MYH10: variants seen among roughly 807,000 people sequenced by gnomAD.
MYH10 encodes myosin heavy chain 10, also known as myosin-10.
Under a neutral mutation model 257.8 loss-of-function variants are expected in MYH10, and 55 were observed. The observed-to-expected ratio is 0.21, with a 90% CI of 0.17 to 0.27. The LOEUF is 0.27. Among genes scored for constraint, MYH10 ranks in the 10% least tolerant of loss-of-function variants. The pLI is 1.00. For synonymous variants in MYH10, 854 were observed against 921.7 expected (o/e 0.93, Z 1.33); for missense variants, 1,631 against 2,500.6 (o/e 0.65, Z 7.42).
At position 8,610,441 on chromosome 17, in the gene MYH10, A is replaced by AAAAAATAAAT. The variant is rs529335937; in HGVS notation, c.346-5469_346-5460dup. Among the ~76,000 whole-genome samples the AAAAAATAAAT allele has an allele frequency of 2.8e-3, 417 of 151,626 alleles. 2 individuals are homozygous for AAAAAATAAAT. The highest frequency in any genetic ancestry group is 9.6e-3 in the African/African-American group (395 of 41,282). ...CCTATCTCCAGAAGCAAAAAAAAATAAAAAATAAATAAAAATAAATAAAAA... is the reference window on the plus strand; with the variant it reads ...CCTATCTCCAGAAGCAAAAAAAAATAAAAAATAAATAAAAATAAATAAAAATAAATAAAAA... On this transcript the variant is annotated intron_variant, in intron 2 of 42. Coordinates refer to ENST00000360416, the MANE Select transcript of MYH10 (RefSeq NM_001256012.3).
intron 17 of MYH10, among the ~76,000 whole-genome samples, chr17:8,525,833 C>T (rs1018562538): frequency 6.6e-6 from 1 of 152,150 alleles, no homozygotes; most frequent in African/African-American, 2.4e-5. Context: ...TGCTCTGTCA[C>T]CCAGGCTGGA....
intron 14 of MYH10, among the ~76,000 whole-genome samples, chr17:8,536,641 A>G (rs1320989872): frequency 6.6e-6 from 1 of 152,154 alleles, no homozygotes; most frequent in Admixed American, 6.5e-5. Context: ...TCTACTAAAA[A>G]TACAAAAATT....
At chr17:8,563,510 G>A (rs2083062386) in intron 7 of MYH10, among the ~76,000 whole-genome samples, 2 of 152,232 alleles carry the variant, frequency 1.3e-5, no homozygotes, top group Non-Finnish European at 2.9e-5. Flanking sequence ...CCAGGAGGCT[G>A]TATTGTTGGG....
intron 16 of MYH10, among the ~76,000 whole-genome samples, chr17:8,530,898 C>G (rs1439119020): frequency 1.3e-5 from 2 of 152,158 alleles, no homozygotes; most frequent in African/African-American, 4.8e-5. Flanking sequence ...ATCAAAAGAG[C>G]ACATTCCCAA....
At position 8,601,364 on chromosome 17, in the gene MYH10, A is replaced by C. The variant is rs149078321; in HGVS notation, c.502+3462T>G. ...TTCCTAACACACAGTGTTGCAAATG[A>C]GAAGCCCGATGCTACTGACTCCCTT... is the stretch of plus-strand genomic sequence containing the variant. On this transcript the variant is annotated intron_variant, in intron 3 of 42. Transcript: ENST00000360416. Among the ~76,000 whole-genome samples the C allele has an allele frequency of 7.2e-5, 11 of 152,322 alleles. 1 individual carries two copies. The East Asian group carries it at 2.1e-3, about 29-fold the overall frequency.
chr17:8,549,851 G>A (rs1409914806), intron 9 of MYH10, among the ~76,000 whole-genome samples: 3 of 150,604 alleles, frequency 2.0e-5, no homozygotes, highest in Non-Finnish European at 4.4e-5. Context: ...AGCTCGCGCC[G>A]CCACGCCTGA....
chr17:8,558,336 C>G (rs2082874675), intron 7 of MYH10, among the ~76,000 whole-genome samples: 1 of 152,084 alleles, frequency 6.6e-6, no homozygotes, highest in African/African-American at 2.4e-5. Context: ...ACACATAGCA[C>G]AGAGGTGCTA....
intron 27 of MYH10, among the ~76,000 whole-genome samples, chr17:8,505,735 C>T (rs1174759524): frequency 6.6e-6 from 1 of 152,192 alleles, no homozygotes; most frequent in Non-Finnish European, 1.5e-5. Context: ...AATCCCAGCA[C>T]TTTGGGAGGC....
intron 28 of MYH10, among the ~76,000 whole-genome samples, chr17:8,501,661 T>G (rs1017484746): frequency 1.3e-5 from 2 of 152,146 alleles, no homozygotes; most frequent in Admixed American, 6.5e-5. Context: ...CATTATCTTT[T>G]GGAGGGGCAG....
In MYH10 at chr17:8,492,347, G is replaced by A; in HGVS notation, c.4621C>T (p.Arg1541Ter). The stretch of plus-strand genomic sequence containing the variant: ...CTCATGAGGTCTTCCATGTCTGCTC[G>A]GAGCTGCTTGTTCTGCCTCTCAAAC... Reference protein sequence around the residue: ...EEFERQNKQLRADMEDLMSSK... With the variant: ...EEFERQNKQL The change falls in exon 34 of 43, where the codon CGA becomes TGA. Residue 1541 changes from arginine (R) to a stop codon, truncating the protein, a stop_gained. Transcript: ENST00000360416. LOFTEE classifies it high-confidence loss of function. 6.2e-7 allele frequency: 1 copy of A among 1,613,662 alleles called. No homozygotes were observed. Among genetic ancestry groups the A allele is most frequent in the South Asian group, 1.1e-5 (1 of 91,076 alleles).
At chr17:8,503,596 A>G (rs922089954) in intron 28 of MYH10, among the ~76,000 whole-genome samples, 1 of 152,144 alleles carries the variant, frequency 6.6e-6, no homozygotes, top group African/African-American at 2.4e-5. Flanking sequence ...CCAAGTGCCC[A>G]GGTTTCCAGC....
At chr17:8,487,181 TA>T (rs1156729394) in intron 36 of MYH10, among the ~76,000 whole-genome samples, 1 of 152,208 alleles carries the variant, frequency 6.6e-6, no homozygotes, top group African/African-American at 2.4e-5. Flanking sequence ...GGGTGGGTTT[TA>T]AGCATCGCCA....
intron 17 of MYH10, 73 bp from the exon 18 acceptor site, chr17:8,521,358 A>C: frequency 1.4e-6 from 2 of 1,468,820 alleles, no homozygotes; most frequent in Non-Finnish European, 9.5e-7. Flanking sequence ...AGACACAGTG[A>C]AAGTGCAGCA....
intron 17 of MYH10, among the ~76,000 whole-genome samples, chr17:8,528,283 T>C (rs7226153): frequency 0.46 from 70,032 of 151,954 alleles, 16,372 homozygotes; most frequent in African/African-American, 0.56. Flanking sequence ...ATTACCCTAT[T>C]ACCCATCACC....
intron 3 of MYH10, among the ~76,000 whole-genome samples, chr17:8,590,731 C>G (rs1420061205): frequency 6.6e-6 from 1 of 152,128 alleles, no homozygotes; most frequent in Non-Finnish European, 1.5e-5. Context: ...ACAGAGATCA[C>G]ACTATATCCT....
At chr17:8,559,927 A>T (rs1002733641) in intron 7 of MYH10, among the ~76,000 whole-genome samples, 1 of 152,248 alleles carries the variant, frequency 6.6e-6, no homozygotes, top group African/African-American at 2.4e-5. Context: ...AGGCAATGTT[A>T]TTACCACAGA....
chr17:8,512,784 A>T, intron 23 of MYH10, 127 bp from the exon 24 acceptor site: 1 of 725,502 alleles, frequency 1.4e-6, no homozygotes, highest in Non-Finnish European at 2.1e-6. Context: ...ACATCACGGG[A>T]AGAACTTTCA....
At chr17:8,578,362 C>G (rs565767822) in intron 4 of MYH10, among the ~76,000 whole-genome samples, 1 of 151,500 alleles carries the variant, frequency 6.6e-6, no homozygotes, top group Non-Finnish European at 1.5e-5. Context: ...CCTGCCTCAG[C>G]TTCCCAAGTA....
chr17:8,498,281 C>T (rs568334027), intron 30 of MYH10, among the ~76,000 whole-genome samples: 151 of 152,120 alleles, frequency 9.9e-4, no homozygotes, highest in African/African-American at 3.2e-3. Context: ...CTACCACGCC[C>T]GGCCCCATAC....
Sources: allele counts gnomAD v4.1 joint callset (sites outside exome capture counted in the v4.1 genomes callset), GRCh38; gene constraint gnomAD v4.1.1; transcripts MANE v1.5; gene names NCBI Gene and HGNC (gene_info 2026-07-23, HGNC 2026-07-21).